Variants in PPP1R16B observed in about 807,000 individuals in gnomAD.
PPP1R16B encodes the protein protein phosphatase 1 regulatory subunit 16B.
Under a neutral mutation model 61.7 loss-of-function variants are expected in PPP1R16B, and 14 were observed. The ratio of observed to expected loss-of-function variants is 0.23; its 90% CI spans 0.15 to 0.35. The LOEUF is 0.35. Ranked by LOEUF, PPP1R16B falls within the 10% of genes least tolerant of loss-of-function variation. The pLI, the probability that PPP1R16B is intolerant of heterozygous loss-of-function variation, is 1.00. For missense variants in PPP1R16B, 547 were observed against 752.5 expected (o/e 0.73, Z 3.19); for synonymous variants, 266 against 305.3 (o/e 0.87, Z 1.34).
intron 2 of PPP1R16B, among the ~76,000 whole-genome samples, chr20:38,885,897 T>A (rs1224576064): frequency 6.6e-6 from 1 of 152,220 alleles, no homozygotes; most frequent in East Asian, 1.9e-4. Flanking sequence ...TGCCTCAGCC[T>A]CCTGAGTAGC....
intron 2 of PPP1R16B, among the ~76,000 whole-genome samples, chr20:38,851,896 G>T (rs748878793): frequency 6.6e-6 from 1 of 152,228 alleles, no homozygotes; most frequent in Non-Finnish European, 1.5e-5. Context: ...AGCCAGGCAT[G>T]GTGGTGTGGG....
chr20:38,906,531 G>A (rs150142937), intron 7 of PPP1R16B, among the ~76,000 whole-genome samples: 128 of 152,222 alleles, frequency 8.4e-4, no homozygotes, highest in Middle Eastern at 3.4e-3. Flanking sequence ...CTGATCTCAG[G>A]TGATCTGCCT....
At chr20:38,876,787 A>G (rs1019231762) in intron 2 of PPP1R16B, among the ~76,000 whole-genome samples, 2 of 152,250 alleles carry the variant, frequency 1.3e-5, no homozygotes, top group African/African-American at 2.4e-5. Flanking sequence ...CCACTTGGCT[A>G]TCATTCTGCG....
rs150047220 is a variant in PPP1R16B at position 38,872,664 on chromosome 20, A to G, written c.251-16931A>G. ...GCTGGTCCAGGGATCACTGAGAACC[A>G]CTGGGCTAGACCACGAACCCTGTGA... is the stretch of plus-strand genomic sequence containing the variant. On this transcript the variant is annotated intron_variant, in intron 2 of 10. Transcript: ENST00000299824. 1,222 of 152,572 alleles carry G rather than the reference A, an allele frequency of 8.0e-3. 10 individuals carry two copies. Among genetic ancestry groups the G allele is most frequent in the Middle Eastern group, 0.02 (6 of 294 alleles). The allele number at this position is 152,572 out of a possible 1,614,324, so 9.5% of individuals were successfully genotyped here.
At position 38,806,449 on chromosome 20, in the gene PPP1R16B, C is replaced by T. The variant is rs2084662083; in HGVS notation, c.-102+657C>T. Among the ~76,000 whole-genome samples the T allele has an allele frequency of 6.6e-6, 1 of 152,088 alleles. No individual in the cohort carries two copies. The highest frequency in any genetic ancestry group is 2.4e-5 in the African/African-American group (1 of 41,436). ...GGGCGCGCCCGGCCTCTCCCAGGGCCCCGTGCGCCGGCGGCTGGGTCCCCC... is the reference window on the plus strand; with the variant it reads ...GGGCGCGCCCGGCCTCTCCCAGGGCTCCGTGCGCCGGCGGCTGGGTCCCCC... On this transcript the variant is annotated intron_variant, in intron 1 of 10. Coordinates refer to ENST00000299824, the MANE Select transcript of PPP1R16B (RefSeq NM_015568.4). The surrounding 1 kb of genome is among the most constrained non-coding windows in gnomAD (Gnocchi z 4.5).
intron 1 of PPP1R16B, among the ~76,000 whole-genome samples, chr20:38,807,572 A>T (rs2084670944): frequency 6.6e-6 from 1 of 151,898 alleles, no homozygotes; most frequent in African/African-American, 2.4e-5. Flanking sequence ...GGGGCCAGCA[A>T]ATCCTTCCAG....
At chr20:38,850,469 A>G (rs184934952) in intron 2 of PPP1R16B, among the ~76,000 whole-genome samples, 7 of 152,348 alleles carry the variant, frequency 4.6e-5, no homozygotes, top group African/African-American at 1.7e-4. Context: ...ACTCCATATC[A>G]TTCATAATTG....
intron 10 of PPP1R16B, among the ~76,000 whole-genome samples, chr20:38,910,135 C>T (rs149772533): frequency 8.1e-4 from 123 of 152,108 alleles, no homozygotes; most frequent in Non-Finnish European, 1.5e-3. Context: ...CCCGCCACGA[C>T]GCCTGGTGGA....
intron 1 of PPP1R16B, among the ~76,000 whole-genome samples, chr20:38,810,920 T>G (rs1246450398): frequency 1.3e-5 from 2 of 152,180 alleles, no homozygotes; most frequent in Non-Finnish European, 2.9e-5. Context: ...TTTGTAAATC[T>G]AAGGCTGACT....
rs529294214 is a variant in PPP1R16B, at chr20:38,867,638, A to C, written c.251-21957A>C. ...TTGTCCAAAATGTGTTAGCATTTCC[A>C]AAATGTGTTAGCTGTCAGCTCTTGT... On this transcript the variant is annotated intron_variant, in intron 2 of 10. Coordinates refer to ENST00000299824, the MANE Select transcript of PPP1R16B (RefSeq NM_015568.4). Among the ~76,000 whole-genome samples the C allele has an allele frequency of 5.3e-5, 8 of 152,230 alleles. 1 individual carries two copies. The South Asian group carries it at 1.7e-3, about 32-fold the overall frequency.
chr20:38,808,980 C>T (rs1469265049), intron 1 of PPP1R16B, among the ~76,000 whole-genome samples: 1 of 151,856 alleles, frequency 6.6e-6, no homozygotes, highest in Non-Finnish European at 1.5e-5. Flanking sequence ...TTGCAATGAG[C>T]CGAGATCACA....
Position 38,854,563 on chromosome 20 carries a change from T to G in PPP1R16B, c.250+18388T>G, listed in dbSNP as rs553580449. Among the ~76,000 whole-genome samples the G allele has an allele frequency of 2.0e-5, 3 of 152,308 alleles. No individual in the cohort carries two copies. In the South Asian group the frequency reaches 6.2e-4, roughly 32 times the overall value. ...ATAAAGAGGCCTTCAGTGGAAAGCT[T>G]GGGAAGCTCTGCAGAGATGCAGTGG... On this transcript the variant is annotated intron_variant, in intron 2 of 10. Transcript: ENST00000299824.
rs772424757 is a variant in PPP1R16B at position 38,908,144 on chromosome 20, A to G, written c.1145A>G (p.Tyr382Cys). The stretch of plus-strand genomic sequence containing the variant: ...GCTGAGGATCAGCGGACCTCCACCT[A>G]CAACGGGGACATCAGGGAGACCAGG... ...SAAEDQRTST[Y>C]NGDIRETRTD... The change falls in exon 10 of 11, where the codon TAC becomes TGC. Residue 382 changes from tyrosine to cysteine, a missense_variant. Tyr to Cys is a radical substitution (Grantham distance 194, BLOSUM62 -2). Transcript: ENST00000299824. 6.2e-7 allele frequency: 1 copy of G among 1,614,260 alleles called. No homozygotes were observed. Among genetic ancestry groups the G allele is most frequent in the African/African-American group, 1.3e-5 (1 of 75,068 alleles).
At chr20:38,840,020 G>C (rs528228725) in intron 2 of PPP1R16B, among the ~76,000 whole-genome samples, 3 of 152,232 alleles carry the variant, frequency 2.0e-5, no homozygotes, top group Non-Finnish European at 4.4e-5. Flanking sequence ...TGAGGGGAAG[G>C]GGCCAGAATA....
At chr20:38,875,135 TC>T (rs929610772) in intron 2 of PPP1R16B, among the ~76,000 whole-genome samples, 1 of 152,128 alleles carries the variant, frequency 6.6e-6, no homozygotes, top group Non-Finnish European at 1.5e-5. Context: ...AAATGATCCA[TC>T]CTGCAGGTCC....
chr20:38,900,881 T>A (rs1425852006), intron 5 of PPP1R16B, among the ~76,000 whole-genome samples, 197 bp downstream of exon 5: 4 of 152,226 alleles, frequency 2.6e-5, no homozygotes, highest in Non-Finnish European at 4.4e-5. Flanking sequence ...CTGGAAAACA[T>A]GCTGCGCAGA....
chr20:38,866,342 C>T (rs1166295695), intron 2 of PPP1R16B, among the ~76,000 whole-genome samples: 1 of 152,082 alleles, frequency 6.6e-6, no homozygotes, highest in African/African-American at 2.4e-5. Flanking sequence ...TGCTGCATGA[C>T]CTTCAGCAAC....
intron 2 of PPP1R16B, among the ~76,000 whole-genome samples, chr20:38,855,836 C>G (rs942851625): frequency 6.7e-6 from 1 of 148,604 alleles, no homozygotes; most frequent in African/African-American, 2.5e-5. Context: ...GACTAAAGGC[C>G]TCAAAGATAA....
intron 10 of PPP1R16B, among the ~76,000 whole-genome samples, chr20:38,913,849 C>T (rs930876928): frequency 1.4e-4 from 21 of 152,060 alleles, no homozygotes; most frequent in African/African-American, 5.1e-4. Flanking sequence ...CAGGGTGAGT[C>T]AAAGTCCAGG....
Sources: allele counts gnomAD v4.1 joint callset (sites outside exome capture counted in the v4.1 genomes callset), GRCh38; gene constraint gnomAD v4.1.1; non-coding constraint Gnocchi (gnomAD v3.1); transcripts MANE v1.5; gene names NCBI Gene and HGNC (gene_info 2026-07-23, HGNC 2026-07-21).